GLI3: variants seen among roughly 807,000 people sequenced by gnomAD.
The protein encoded by GLI3 is transcription activator GLI3.
Under a neutral mutation model 100.8 loss-of-function variants are expected in GLI3, and 20 were observed. The observed-to-expected ratio is 0.20, with a 90% confidence interval of 0.14 to 0.29. The LOEUF (loss-of-function observed/expected upper bound fraction) is 0.29. Among genes scored for constraint, GLI3 ranks in the 10% least tolerant of loss-of-function variants. The pLI, the probability that GLI3 is intolerant of heterozygous loss-of-function variation, is 1.00. For synonymous variants in GLI3, 938 were observed against 860.5 expected, an observed-to-expected ratio of 1.09 and a Z score of -1.58; for missense variants, 2,040 against 2,128.5, an observed-to-expected ratio of 0.96 and a Z score of 0.82.
chr7:42,018,521 T>C (rs532007761), intron 10 of GLI3, among the ~76,000 whole-genome samples: 3 of 152,242 alleles, frequency 2.0e-5, no homozygotes, highest in African/African-American at 4.8e-5. Context: ...GTGAAAAGAA[T>C]GTCTTCACAT....
At chr7:42,257,524 T>G (rs1789097608) in intron 1 of GLI3, among the ~76,000 whole-genome samples, 1 of 152,206 alleles carries the variant, frequency 6.6e-6, no homozygotes, top group South Asian at 2.1e-4. Context: ...TCTTGTATTT[T>G]TAGTAGAGAT....
chr7:42,225,421 G>A (rs144934762), intron 1 of GLI3, among the ~76,000 whole-genome samples: 5,901 of 152,196 alleles, frequency 0.039, 259 homozygotes, highest in African/African-American at 0.1. Context: ...GTGCAATGGC[G>A]TGATCTCAGC....
At chr7:42,200,067 C>A (rs1232004022) in intron 2 of GLI3, among the ~76,000 whole-genome samples, 1 of 152,150 alleles carries the variant, frequency 6.6e-6, no homozygotes, top group Admixed American at 6.6e-5. Context: ...AAAAAAGGAC[C>A]TATACCTAAG....
chr7:42,182,662 A>ATATATATATATATATACATACATGTGTG (rs1787627482), intron 2 of GLI3, among the ~76,000 whole-genome samples: 3 of 76,742 alleles, frequency 3.9e-5, no homozygotes, highest in African/African-American at 2.0e-4. Flanking sequence ...ATATATATAT[A>ATATATATATATATATACATACATGTGTG]TATATATATA....
intron 3 of GLI3, among the ~76,000 whole-genome samples, chr7:42,089,507 T>A (rs1785172241): frequency 6.6e-6 from 1 of 152,182 alleles, no homozygotes; most frequent in Non-Finnish European, 1.5e-5. Context: ...TCAATATGAA[T>A]CCTTAGAAAA....
chr7:42,019,654 C>CA (rs200865456), intron 10 of GLI3, among the ~76,000 whole-genome samples: 127 of 149,272 alleles, frequency 8.5e-4, no homozygotes, highest in Middle Eastern at 3.5e-3. Context: ...TAATGCTCAA[C>CA]AAAAAAAAAG....
In GLI3 at chr7:41,963,761, T is replaced by C. The variant is rs555546978; in HGVS notation, c.*569A>G. ...GGGGGAACATCAATATTCTGTCATC[T>C]ATGCTACAGTGCACCCACAAAAGTT... On this transcript the variant is annotated 3_prime_UTR_variant, in exon 15 of 15. Coordinates refer to ENST00000395925, the MANE Select transcript of GLI3 (RefSeq NM_000168.6). 6.5e-6 allele frequency: 1 copy of C among 154,660 alleles called. No individual in the cohort carries two copies. Among genetic ancestry groups the C allele is most frequent in the East Asian group, 1.9e-4 (1 of 5,218 alleles). 9.6% of individuals were successfully genotyped at this position (154,660 alleles called of 1,614,324 possible). A position where few individuals can be genotyped will look rare whatever the true frequency, so the allele number is the denominator to read the frequency against.
At chr7:41,986,609 C>T (rs973870926) in intron 10 of GLI3, among the ~76,000 whole-genome samples, 5 of 151,978 alleles carry the variant, frequency 3.3e-5, no homozygotes, top group African/African-American at 1.2e-4. Flanking sequence ...CTGCATGATT[C>T]CATTTATATG....
intron 10 of GLI3, among the ~76,000 whole-genome samples, chr7:41,995,911 C>A (rs1424433114): frequency 6.6e-6 from 1 of 152,132 alleles, no homozygotes; most frequent in East Asian, 1.9e-4. Context: ...AACCAGTAAC[C>A]AACATTACAA....
intron 3 of GLI3, among the ~76,000 whole-genome samples, chr7:42,089,758 G>A (rs142679474): frequency 3.8e-3 from 578 of 152,194 alleles, no homozygotes; most frequent in Non-Finnish European, 5.1e-3. Flanking sequence ...TCTTTCATCC[G>A]TAAAATAAGG....
chr7:42,236,074 G>A (rs915407977), intron 1 of GLI3, among the ~76,000 whole-genome samples: 1 of 152,128 alleles, frequency 6.6e-6, no homozygotes, highest in Non-Finnish European at 1.5e-5. Context: ...GAGGTGCAAT[G>A]GGGGACAGGA....
chr7:42,121,703 T>A (rs914411920), intron 3 of GLI3, among the ~76,000 whole-genome samples: 4 of 152,184 alleles, frequency 2.6e-5, no homozygotes, highest in East Asian at 3.9e-4. Context: ...TTCTTAGAAA[T>A]GCAGGATCCT....
chr7:41,976,588 A>G (rs1787520530), intron 12 of GLI3, among the ~76,000 whole-genome samples: 1 of 152,180 alleles, frequency 6.6e-6, no homozygotes, highest in Non-Finnish European at 1.5e-5. Flanking sequence ...CACTGGTGAG[A>G]TGAAATGACA....
At chr7:42,088,950 A>G (rs1386822129) in intron 3 of GLI3, among the ~76,000 whole-genome samples, 6 of 152,126 alleles carry the variant, frequency 3.9e-5, no homozygotes, top group Non-Finnish European at 7.4e-5. Context: ...GCAGCTGCTT[A>G]CCTTGTCTAA....
In GLI3 at chr7:42,045,497, T is replaced by C; in HGVS notation, c.713A>G (p.Tyr238Cys). 6 of 1,614,092 alleles carry C rather than the reference T, an allele frequency of 3.7e-6. No homozygotes were observed. The highest frequency in any genetic ancestry group is 1.7e-4 in the Middle Eastern group (1 of 6,060). Residue 238 changes from tyrosine (Y) to cysteine (C), a missense_variant, in exon 6 of 15, where the codon TAT becomes TGT. Coordinates refer to ENST00000395925, the MANE Select transcript of GLI3 (RefSeq NM_000168.6). ...PHAGVSPAEY[Y>C]HQMALLTGQR... is the part of the protein sequence containing the mutation. ...GCCAGTTAGCAGGGCCATCTGATGA[T>C]AGTATTCTGCTGGGCTGACTCCTGC...
intron 10 of GLI3, among the ~76,000 whole-genome samples, chr7:41,979,978 G>A (rs867635173): frequency 3.3e-5 from 5 of 152,100 alleles, no homozygotes; most frequent in Non-Finnish European, 7.4e-5. Flanking sequence ...ATGGCCTTTC[G>A]CTTTAGGTAA....
chr7:41,985,717 C>T (rs889511571), intron 10 of GLI3, among the ~76,000 whole-genome samples: 3 of 152,042 alleles, frequency 2.0e-5, no homozygotes, highest in Admixed American at 6.6e-5. Context: ...TTGATAAATG[C>T]AACATTTTTG....
At chr7:41,981,286 A>G (rs1444232101) in intron 10 of GLI3, among the ~76,000 whole-genome samples, 1 of 152,214 alleles carries the variant, frequency 6.6e-6, no homozygotes, top group Non-Finnish European at 1.5e-5. Flanking sequence ...GACGTAGGTA[A>G]GCTTGGGTTA....
At chr7:42,155,697 G>C (rs183254368) in intron 2 of GLI3, among the ~76,000 whole-genome samples, 1 of 152,264 alleles carries the variant, frequency 6.6e-6, no homozygotes, top group East Asian at 1.9e-4. Context: ...AGGTCCCTGG[G>C]ATAGAAGGGA....
Sources: gnomAD v4.1 joint callset for allele counts (sites outside exome capture counted in the v4.1 genomes callset) on GRCh38, gnomAD v4.1.1 for gene constraint, MANE v1.5 for transcripts, NCBI Gene and HGNC (gene_info 2026-07-23, HGNC 2026-07-21) for gene names.